The following BICD1 variants were observed in gnomAD, a reference collection of about 807,000 sequenced individuals.
BICD1 encodes protein bicaudal D homolog 1.
A neutral mutation model predicts 92.5 loss-of-function variants in BICD1; 35 were observed. The observed-to-expected ratio is 0.38, with a 90% CI of 0.29 to 0.50. BICD1 has a LOEUF of 0.50. BICD1 is among the 20% of genes least tolerant of loss of function. The pLI is 0.93. For missense variants in BICD1, 950 were observed against 1,189.8 expected (o/e 0.80, Z 2.97); for synonymous variants, 429 against 465.1 (o/e 0.92, Z 1.00).
chr12:32,188,126 C>T (rs551533767), intron 1 of BICD1, among the ~76,000 whole-genome samples: 5 of 152,150 alleles, frequency 3.3e-5, no homozygotes, highest in Non-Finnish European at 5.9e-5. Flanking sequence ...TTTGTAGAGA[C>T]GGGGTTTCAC....
intron 1 of BICD1, among the ~76,000 whole-genome samples, chr12:32,215,090 A>G (rs540609335): frequency 5.3e-5 from 8 of 152,140 alleles, no homozygotes; most frequent in Admixed American, 2.6e-4. Flanking sequence ...TTAGCTGGGC[A>G]TGGTGATGGG....
At chr12:32,136,576 A>G (rs553853430) in intron 1 of BICD1, among the ~76,000 whole-genome samples, 13 of 152,196 alleles carry the variant, frequency 8.5e-5, no homozygotes, top group African/African-American at 3.1e-4. Flanking sequence ...ATGGACAAAC[A>G]TAATTGGAAG....
chr12:32,306,141 G>A lies in BICD1; in HGVS notation c.1005+19G>A, dbSNP rs770467374. ...TATGCAGGTAAGAACTTTGTTTAGG[G>A]CCGCTAGAGTGAATTTCTTGTAGAT... On this transcript the variant is annotated intron_variant, in intron 4 of 9. Transcript: ENST00000652176. The A allele has an allele frequency of 6.5e-6, 10 of 1,539,092 alleles. No homozygotes were observed. The Admixed American group carries it at 8.5e-5, about 13-fold the overall frequency.
intron 9 of BICD1, 145 bp from the exon 10 acceptor site, chr12:32,377,395 G>T: frequency 9.4e-6 from 6 of 634,944 alleles, no homozygotes; most frequent in South Asian, 2.1e-5. Flanking sequence ...CATTATCTTG[G>T]CATGCTTTAG....
chr12:32,154,690 C>T (rs1198845890), intron 1 of BICD1, among the ~76,000 whole-genome samples: 2 of 152,190 alleles, frequency 1.3e-5, no homozygotes, highest in Non-Finnish European at 2.9e-5. Context: ...GTTCTCTTAT[C>T]TCTACTGCTT....
In BICD1 at chr12:32,363,571, A is replaced by C. The variant is rs1188171802; in HGVS notation, c.2765-4099A>C. Reference sequence around the variant, plus strand: ...AAAAGTTTGTAGTTACAAAGAAGTTATTTGACTAACTCATTATGTTAGATG... The same window carrying C: ...AAAAGTTTGTAGTTACAAAGAAGTTCTTTGACTAACTCATTATGTTAGATG... On this transcript the variant is annotated intron_variant, in intron 8 of 9. Coordinates refer to ENST00000652176, the MANE Select transcript of BICD1 (RefSeq NM_001714.4). 4.6e-5 allele frequency among the ~76,000 whole-genome samples: 7 copies of C among 151,412 alleles called. No individual in the cohort carries two copies. In the South Asian group the frequency reaches 8.4e-4, roughly 18 times the overall value.
chr12:32,357,068 A>G (rs1939143233), intron 8 of BICD1, among the ~76,000 whole-genome samples: 1 of 137,460 alleles, frequency 7.3e-6, no homozygotes, highest in South Asian at 2.3e-4. Flanking sequence ...CTGGAGTGTG[A>G]TGGCGCGATC....
In BICD1 at chr12:32,171,421, G is replaced by C. The variant is rs1168764782; in HGVS notation, c.214-44826G>C. Among the ~76,000 whole-genome samples the C allele has an allele frequency of 2.0e-5, 3 of 152,310 alleles. No homozygotes were observed. The East Asian group carries it at 5.8e-4, about 29-fold the overall frequency. Reference sequence around the variant, plus strand: ...TGTAAATTAGGATCCTGGGGAGCGTGGCACTAGGTATTCTTATGCAGAGCT... The same window carrying C: ...TGTAAATTAGGATCCTGGGGAGCGTCGCACTAGGTATTCTTATGCAGAGCT... On this transcript the variant is annotated intron_variant, in intron 1 of 9. Coordinates refer to ENST00000652176, the MANE Select transcript of BICD1 (RefSeq NM_001714.4).
At chr12:32,275,153 T>C (rs537625910) in intron 2 of BICD1, among the ~76,000 whole-genome samples, 2 of 152,332 alleles carry the variant, frequency 1.3e-5, no homozygotes, top group Middle Eastern at 3.4e-3. Context: ...TTTAATCCCT[T>C]GATTTGCAAA....
chr12:32,374,381 TTTTTTAC>T (rs1447073177), intron 9 of BICD1, among the ~76,000 whole-genome samples: 1 of 151,680 alleles, frequency 6.6e-6, no homozygotes, highest in Non-Finnish European at 1.5e-5. Flanking sequence ...AATTGGAGTT[TTTTTTAC>T]TATATGTGCT....
chr12:32,158,300 GT>G (rs1943503378), intron 1 of BICD1, among the ~76,000 whole-genome samples: 1 of 151,668 alleles, frequency 6.6e-6, no homozygotes, highest in East Asian at 2.0e-4. Flanking sequence ...TAGAGACAGG[GT>G]TTTGCCATGT....
chr12:32,306,012 G>A lies in BICD1; in HGVS notation c.895G>A (p.Asp299Asn), dbSNP rs1308554117. The A allele has an allele frequency of 6.2e-7, 1 of 1,614,162 alleles. No individual in the cohort carries two copies. The highest frequency in any genetic ancestry group is 8.5e-7 in the Non-Finnish European group (1 of 1,180,034). Reference sequence around the variant, plus strand: ...TGGGCCTCTTGTGAAACTGAATGGAGACTATCGGACTCCCACCTTAAGGAA... The same window carrying A: ...TGGGCCTCTTGTGAAACTGAATGGAAACTATCGGACTCCCACCTTAAGGAA... The part of the protein sequence containing the change: ...IHGPLVKLNG[D>N]YRTPTLRKGE... The change falls in exon 4 of 10, where the codon GAC becomes AAC. Residue 299 changes from aspartate to asparagine, a missense_variant. Physicochemically the swap from Asp to Asn is conservative, Grantham distance 23. Transcript: ENST00000652176.
At chr12:32,339,253 A>G in intron 8 of BICD1, 1 of 1,140,266 alleles carries the variant, frequency 8.8e-7, no homozygotes, top group Non-Finnish European at 1.1e-6. Flanking sequence ...AACAAGCACA[A>G]CGCACACACA....
intron 2 of BICD1, among the ~76,000 whole-genome samples, chr12:32,275,307 C>G (rs1258569309): frequency 6.6e-6 from 1 of 152,122 alleles, no homozygotes; most frequent in Non-Finnish European, 1.5e-5. Flanking sequence ...TAAAGGAACC[C>G]TGGCGGGATA....
At chr12:32,242,375 A>C (rs1462159332) in intron 2 of BICD1, among the ~76,000 whole-genome samples, 1 of 152,054 alleles carries the variant, frequency 6.6e-6, no homozygotes. Flanking sequence ...AATACAAAAC[A>C]AATTAGCTGG....
intron 1 of BICD1, among the ~76,000 whole-genome samples, chr12:32,133,481 C>T (rs1422757852): frequency 6.6e-6 from 1 of 151,216 alleles, no homozygotes; most frequent in African/African-American, 2.4e-5. Flanking sequence ...GAACAAGACT[C>T]CATCTGGGAA....
intron 8 of BICD1, among the ~76,000 whole-genome samples, chr12:32,365,771 C>T (rs897869283): frequency 6.6e-6 from 1 of 152,126 alleles, no homozygotes; most frequent in Admixed American, 6.6e-5. Flanking sequence ...TTGGAGAAGA[C>T]AAAAGGAGCA....
intron 2 of BICD1, among the ~76,000 whole-genome samples, chr12:32,230,790 T>C (rs1359165887): frequency 6.6e-6 from 1 of 152,144 alleles, no homozygotes; most frequent in Non-Finnish European, 1.5e-5. Flanking sequence ...GAAATAGCAC[T>C]TCAGAGAGTT....
At chr12:32,135,745 A>G (rs1329551588) in intron 1 of BICD1, among the ~76,000 whole-genome samples, 1 of 151,956 alleles carries the variant, frequency 6.6e-6, no homozygotes, top group Non-Finnish European at 1.5e-5. Flanking sequence ...CCACCATTCC[A>G]TCTCATCTGA....
Sources: allele counts gnomAD v4.1 joint callset (sites outside exome capture counted in the v4.1 genomes callset), GRCh38; gene constraint gnomAD v4.1.1; transcripts MANE v1.5; gene names NCBI Gene and HGNC (gene_info 2026-07-23, HGNC 2026-07-21).